SLC9A3: variants seen among roughly 807,000 people sequenced by gnomAD.
SLC9A3 encodes the protein solute carrier family 9 member A3, also known as sodium/hydrogen exchanger 3.
A neutral mutation model predicts 86.8 loss-of-function variants in SLC9A3; 37 were observed. That is an observed-to-expected ratio of 0.43 (90% CI 0.33 to 0.56). The LOEUF is 0.56. Ranked by LOEUF, SLC9A3 falls within the 20% of genes least tolerant of loss-of-function variation. The probability of loss-of-function intolerance (pLI) is 0.06; values close to 1 mark genes in which losing one functional copy is unlikely to be tolerated. For synonymous variants in SLC9A3, 581 were observed against 528.3 expected, an observed-to-expected ratio of 1.10 and a Z score of -1.37; for missense variants, 1,011 against 1,171.9, an observed-to-expected ratio of 0.86 and a Z score of 2.00.
chr5:473,525 G>C, intron 16 of SLC9A3, 143 bp from the exon 17 acceptor site: 1 of 626,742 alleles, frequency 1.6e-6, no homozygotes, highest in Non-Finnish European at 2.3e-6. Context: ...GTCCGCTGGG[G>C]CCTCCTCCCA....
intron 1 of SLC9A3, among the ~76,000 whole-genome samples, chr5:509,051 T>C (rs1740757178): frequency 6.6e-6 from 1 of 151,134 alleles, no homozygotes; most frequent in Non-Finnish European, 1.5e-5. Flanking sequence ...GAGGCTGCTG[T>C]GAGCTGAGAT....
intron 1 of SLC9A3, among the ~76,000 whole-genome samples, chr5:498,095 C>T (rs1210528072): frequency 2.0e-5 from 3 of 152,220 alleles, no homozygotes; most frequent in African/African-American, 4.8e-5. Flanking sequence ...CACTCCTGGA[C>T]GTCTCTCGGA....
At chr5:514,238 G>A (rs943557344) in intron 1 of SLC9A3, among the ~76,000 whole-genome samples, 3 of 152,170 alleles carry the variant, frequency 2.0e-5, no homozygotes, top group African/African-American at 7.2e-5. Flanking sequence ...GGGGAGGCGT[G>A]CTCAGGCAGT....
At chr5:519,710 G>GCTCAGGGATCTGGGTCTTGACC (rs1392980563) in intron 1 of SLC9A3, among the ~76,000 whole-genome samples, 2 of 152,224 alleles carry the variant, frequency 1.3e-5, no homozygotes, top group Non-Finnish European at 2.9e-5. Context: ...GGAACCTGGC[G>GCTCAGGGATCTGGGTCTTGACC]CTCAGGGATC....
intron 1 of SLC9A3, among the ~76,000 whole-genome samples, chr5:521,818 G>A (rs969930655): frequency 1.3e-5 from 2 of 152,282 alleles, no homozygotes; most frequent in African/African-American, 2.4e-5. Context: ...CAAGGAGGAC[G>A]GTCTGGGCCA....
chr5:514,312 T>A (rs1217895189), intron 1 of SLC9A3, among the ~76,000 whole-genome samples: 1 of 152,222 alleles, frequency 6.6e-6, no homozygotes, highest in African/African-American at 2.4e-5. Context: ...CCAGGCTCTG[T>A]GCCGCCAGGG....
intron 3 of SLC9A3, among the ~76,000 whole-genome samples, chr5:486,339 G>C (rs1739461948): frequency 6.6e-6 from 1 of 152,238 alleles, no homozygotes; most frequent in Non-Finnish European, 1.5e-5. Flanking sequence ...CTCTGCACGT[G>C]CCCCTCGGAT....
chr5:483,976 C>T (rs1322370117), intron 5 of SLC9A3, among the ~76,000 whole-genome samples: 4 of 152,374 alleles, frequency 2.6e-5, no homozygotes, highest in South Asian at 2.1e-4. Context: ...CTTCCCCTCA[C>T]GGGGGTTCAC....
intron 10 of SLC9A3, chr5:478,811 G>A (rs1738952344): frequency 6.5e-6 from 1 of 154,822 alleles, no homozygotes; most frequent in Admixed American, 6.5e-5. Flanking sequence ...CGGGCCTGTG[G>A]TTTGGGGGTT....
chr5:524,200 G>A lies in SLC9A3; in HGVS notation c.123C>T (p.Gly41=), dbSNP rs745788374. The A allele has an allele frequency of 6.5e-7, 1 of 1,536,548 alleles. No homozygotes were observed. Among genetic ancestry groups the A allele is most frequent in the East Asian group, 2.7e-5 (1 of 36,898 alleles). ...CCCACTCGAAGGTGACCACCTGGAA[G>A]CCCCCGCTCTCGCCGTGCGCGCCGC... ...EPGGAHGESG[G]FQVVTFEWAH... The change falls in exon 1 of 17, where the codon GGC becomes GGT. Residue 41 remains glycine (G), a synonymous_variant. Coordinates refer to ENST00000264938, the MANE Select transcript of SLC9A3 (RefSeq NM_004174.4).
In SLC9A3 at chr5:496,389, C is replaced by T. The variant is rs1740021928; in HGVS notation, c.212-4318G>A. Among the ~76,000 whole-genome samples, 1 of 152,216 alleles carries T rather than the reference C, an allele frequency of 6.6e-6. No homozygotes were observed. The highest frequency in any genetic ancestry group is 2.4e-5 in the African/African-American group (1 of 41,462). On this transcript the variant is annotated intron_variant, in intron 1 of 16. Transcript: ENST00000264938. The surrounding 1 kb of genome is among the most constrained non-coding windows in gnomAD (Gnocchi z 4.7). ...GAGCCACATCTCCTGAGGGGCCCAA[C>T]CTAACAGCCTCTGACGACCTGTGGG... is the stretch of plus-strand genomic sequence containing the variant.
At chr5:479,477 G>A in intron 10 of SLC9A3, 1 of 261,856 alleles carries the variant, frequency 3.8e-6, no homozygotes, top group Non-Finnish European at 7.6e-6. Flanking sequence ...GCACCTGTGG[G>A]CACCTGCGTG....
intron 2 of SLC9A3, among the ~76,000 whole-genome samples, chr5:490,037 G>A (rs1272387770): frequency 2.0e-5 from 3 of 152,230 alleles, no homozygotes; most frequent in Admixed American, 6.5e-5. Context: ...GCCTTGAGAC[G>A]CTCCACAGGG....
intron 10 of SLC9A3, chr5:478,608 G>C (rs1738933656): frequency 6.5e-6 from 1 of 154,518 alleles, no homozygotes; most frequent in African/African-American, 2.4e-5. Context: ...CCAGGGTTGT[G>C]GTCGTGGGTC....
At chr5:486,736 C>G (rs962236544) in intron 3 of SLC9A3, among the ~76,000 whole-genome samples, 1 of 152,200 alleles carries the variant, frequency 6.6e-6, no homozygotes, top group Non-Finnish European at 1.5e-5. Flanking sequence ...CAATAGGACC[C>G]GTGTCCCTGT....
chr5:483,623 C>G (rs918273866), intron 5 of SLC9A3, 141 bp from the exon 6 acceptor site: 1 of 670,988 alleles, frequency 1.5e-6, no homozygotes, highest in South Asian at 1.7e-5. Context: ...CCTCCCGAGC[C>G]AGGCTGGGCC....
rs1738502732 is a variant in SLC9A3, at chr5:473,302, C to T, written c.*77G>A. 1.5e-5 allele frequency: 20 copies of T among 1,357,054 alleles called. No individual in the cohort carries two copies. The highest frequency in any genetic ancestry group is 3.0e-5 in the African/African-American group (2 of 65,760). The allele number at this position is 1,357,054 out of a possible 1,614,324, so 84.1% of individuals were successfully genotyped here. ...AGCCGCGCGGGGATCTGGGGTTTCT[C>T]TGGGACAGCGGCGGCGGCGGTGGGC... On this transcript the variant is annotated 3_prime_UTR_variant, in exon 17 of 17. Transcript: ENST00000264938.
intron 1 of SLC9A3, among the ~76,000 whole-genome samples, chr5:520,191 C>T (rs1415047259): frequency 1.3e-5 from 2 of 152,180 alleles, no homozygotes; most frequent in Non-Finnish European, 2.9e-5. Context: ...GATGTCAGCT[C>T]CCACACCTCC....
At chr5:521,770 C>T (rs1733890126) in intron 1 of SLC9A3, among the ~76,000 whole-genome samples, 1 of 152,206 alleles carries the variant, frequency 6.6e-6, no homozygotes, top group Non-Finnish European at 1.5e-5. Flanking sequence ...CCTGAGGGTC[C>T]TCTGGGAACA....
Sources: allele counts gnomAD v4.1 joint callset (sites outside exome capture counted in the v4.1 genomes callset), GRCh38; gene constraint gnomAD v4.1.1; non-coding constraint Gnocchi (gnomAD v3.1); transcripts MANE v1.5; gene names NCBI Gene and HGNC (gene_info 2026-07-23, HGNC 2026-07-21).